The following TP73 variants were observed in gnomAD, a reference collection of about 807,000 sequenced individuals.
TP73 encodes tumor protein p73.
Under a neutral mutation model 62.5 loss-of-function variants are expected in TP73, and 25 were observed. The ratio of observed to expected loss-of-function variants is 0.40; its 90% CI spans 0.29 to 0.56. The LOEUF is 0.56. Among genes scored for constraint, TP73 ranks in the 20% least tolerant of loss-of-function variants. The pLI is 0.46. For synonymous variants in TP73, 423 were observed against 377.5 expected, an observed-to-expected ratio of 1.12 and a Z score of -1.40; for missense variants, 754 against 913.3, an observed-to-expected ratio of 0.83 and a Z score of 2.25.
At chr1:3,664,187 C>A (rs529261020) in intron 1 of TP73, among the ~76,000 whole-genome samples, 2 of 152,366 alleles carry the variant, frequency 1.3e-5, no homozygotes. Flanking sequence ...ACCTTCCTAC[C>A]AGCCCAGATG....
intron 9 of TP73, among the ~76,000 whole-genome samples, chr1:3,728,884 ACCTGAGGGCAGGAGGATCG>A (rs1487088812): frequency 6.6e-6 from 1 of 151,946 alleles, no homozygotes; most frequent in African/African-American, 2.4e-5. Context: ...CAGGAGGATC[ACCTGAGGGCAGGAGGATCG>A]CCTGAGCCCA....
At position 3,683,165 on chromosome 1, in the gene TP73, G is replaced by A. The variant is rs975388384; in HGVS notation, c.171G>A (p.Met57Ile). ...TGGACGTCTTCCACCTGGAGGGCAT[G>A]ACTACATCTGTCATGGTGAGTGGGG... ...SSMDVFHLEG[M>I]TTSVMAQFNL... The change falls in exon 3 of 14, where the codon ATG (methionine) becomes ATA (isoleucine). Residue 57 changes from methionine to isoleucine, a missense_variant. Physicochemically the swap from Met to Ile is conservative, Grantham distance 10. This residue lies in a region of TP73 where 235 missense variants were observed against 251.4 expected (regional missense o/e 0.93). Coordinates refer to ENST00000378295, the MANE Select transcript of TP73 (RefSeq NM_005427.4). The A allele has an allele frequency of 5.0e-6, 8 of 1,610,002 alleles. No homozygotes were observed. The highest frequency in any genetic ancestry group is 6.8e-6 in the Non-Finnish European group (8 of 1,177,760).
chr1:3,724,071 G>A (rs1641316003), intron 6 of TP73, among the ~76,000 whole-genome samples: 1 of 152,148 alleles, frequency 6.6e-6, no homozygotes, highest in Admixed American at 6.5e-5. Flanking sequence ...TAGGCTGGAG[G>A]GGAGGGGACA....
intron 6 of TP73, among the ~76,000 whole-genome samples, chr1:3,723,759 C>A (rs1469822394): frequency 6.6e-6 from 1 of 152,248 alleles, no homozygotes; most frequent in Non-Finnish European, 1.5e-5. Flanking sequence ...TCAGCCTTGC[C>A]CTCTGTTGGT....
intron 1 of TP73, among the ~76,000 whole-genome samples, chr1:3,664,823 G>T (rs1645075583): frequency 6.6e-6 from 1 of 152,166 alleles, no homozygotes; most frequent in African/African-American, 2.4e-5. Flanking sequence ...ATGCGGTCAG[G>T]CTACAAAGGG....
At chr1:3,664,562 G>A (rs1645069767) in intron 1 of TP73, among the ~76,000 whole-genome samples, 2 of 152,242 alleles carry the variant, frequency 1.3e-5, no homozygotes, top group Non-Finnish European at 2.9e-5. Flanking sequence ...TTCTCCACCA[G>A]TCCGAATACA....
At position 3,733,190 on chromosome 1, in the gene TP73, CG is replaced by C; in HGVS notation, c.*115del. On this transcript the variant is annotated 3_prime_UTR_variant, in exon 14 of 14. Coordinates refer to ENST00000378295, the MANE Select transcript of TP73 (RefSeq NM_005427.4). ...GGAGGCAGGACCTTCGGGCTGTGCC[CG>C]GGGAAAGGCAAGGTCCGGCCCATCC... 1.6e-6 allele frequency: 2 copies of C among 1,287,454 alleles called. No homozygotes were observed. Among genetic ancestry groups the C allele is most frequent in the South Asian group, 3.0e-5 (2 of 66,428 alleles). 79.8% of individuals were successfully genotyped at this position (1,287,454 alleles called of 1,614,324 possible).
intron 3 of TP73, chr1:3,690,616 C>T (rs1026523264): frequency 2.1e-5 from 27 of 1,303,288 alleles, no homozygotes; most frequent in East Asian, 3.3e-5. Flanking sequence ...AGGCCTGCCC[C>T]GGACTTGGAT....
chr1:3,729,662 T>C (rs760660639), intron 10 of TP73: 6 of 893,212 alleles, frequency 6.7e-6, no homozygotes, highest in African/African-American at 1.6e-5. Flanking sequence ...GCCCTTGCTA[T>C]GCCTCTGCCA....
At chr1:3,705,395 C>G (rs1371544670) in intron 3 of TP73, among the ~76,000 whole-genome samples, 2 of 152,246 alleles carry the variant, frequency 1.3e-5, no homozygotes, top group African/African-American at 4.8e-5. Context: ...AGGAAGGAGG[C>G]TGCAGTGGTG....
In TP73 at chr1:3,699,038, G is replaced by GAGGGTGCTGTGGGTGAGAGCAC. The variant is rs1290777068; in HGVS notation, c.187-8489_187-8468dup. On this transcript the variant is annotated intron_variant, in intron 3 of 13. Coordinates refer to ENST00000378295, the MANE Select transcript of TP73 (RefSeq NM_005427.4). The surrounding 1 kb of genome is among the most constrained non-coding windows in gnomAD (Gnocchi z 4.1). ...CTCGCCTCAGCCCCGGGTGAGAGCA[G>GAGGGTGCTGTGGGTGAGAGCAC]AGGGTGCTGTGGGTGAGAGCACAGG... is the stretch of plus-strand genomic sequence containing the variant. Among the ~76,000 whole-genome samples the GAGGGTGCTGTGGGTGAGAGCAC allele has an allele frequency of 0.013, 1,978 of 151,728 alleles. 55 individuals are homozygous for GAGGGTGCTGTGGGTGAGAGCAC. The highest frequency in any genetic ancestry group is 0.045 in the African/African-American group (1,843 of 41,006).
chr1:3,733,205 T>C lies in TP73; in HGVS notation c.*126T>C, dbSNP rs906184784. The stretch of plus-strand genomic sequence containing the variant: ...GGGCTGTGCCCGGGGAAAGGCAAGG[T>C]CCGGCCCATCCCCAGGCACCTCACA... On this transcript the variant is annotated 3_prime_UTR_variant, in exon 14 of 14. Coordinates refer to ENST00000378295, the MANE Select transcript of TP73 (RefSeq NM_005427.4). The C allele has an allele frequency of 2.6e-6, 3 of 1,162,940 alleles. No individual in the cohort carries two copies. The highest frequency in any genetic ancestry group is 3.5e-6 in the Non-Finnish European group (3 of 849,328). 72.0% of individuals were successfully genotyped at this position (1,162,940 alleles called of 1,614,324 possible).
At chr1:3,683,568 G>C (rs764509758) in intron 3 of TP73, among the ~76,000 whole-genome samples, 9 of 152,188 alleles carry the variant, frequency 5.9e-5, no homozygotes, top group Non-Finnish European at 1.0e-4. Context: ...CTGTGTCCAG[G>C]TGCTTCACAG....
chr1:3,655,446 G>A (rs145702812), intron 1 of TP73, among the ~76,000 whole-genome samples: 65 of 152,292 alleles, frequency 4.3e-4, no homozygotes, highest in African/African-American at 1.5e-3. Flanking sequence ...GCCATTTTGC[G>A]GCTTGCCTTT....
At chr1:3,689,633 G>C (rs1645757079) in intron 3 of TP73, among the ~76,000 whole-genome samples, 1 of 152,192 alleles carries the variant, frequency 6.6e-6, no homozygotes, top group Non-Finnish European at 1.5e-5. Flanking sequence ...CCGGCTCTCG[G>C]TGGGGACGAC....
At chr1:3,730,819 G>C in intron 11 of TP73, 108 bp from the exon 12 acceptor site, 1 of 1,393,740 alleles carries the variant, frequency 7.2e-7, no homozygotes, top group Non-Finnish European at 9.6e-7. Context: ...CACATCGCCA[G>C]GCCTTGGGAT....
At chr1:3,689,354 T>C (rs889682077) in intron 3 of TP73, among the ~76,000 whole-genome samples, 3 of 152,186 alleles carry the variant, frequency 2.0e-5, no homozygotes, top group Non-Finnish European at 4.4e-5. Context: ...CCCTTCCTGT[T>C]GGGGGCTGAG....
At chr1:3,713,667 C>T (rs750632284) in intron 4 of TP73, among the ~76,000 whole-genome samples, 1 of 152,172 alleles carries the variant, frequency 6.6e-6, no homozygotes, top group Non-Finnish European at 1.5e-5. Flanking sequence ...TAGAGAAGGC[C>T]CTGAGCGACC....
In TP73 at chr1:3,730,858, G is replaced by A. The variant is rs1410721211; in HGVS notation, c.1346-69G>A. ...TCCCTGGTGTCCAGAGGTGTCTGGAGCCTGGGTGGAGGCTGCACCTGGATG... is the reference window on the plus strand; with the variant it reads ...TCCCTGGTGTCCAGAGGTGTCTGGAACCTGGGTGGAGGCTGCACCTGGATG... On this transcript the variant is annotated intron_variant, in intron 11 of 13. Coordinates refer to ENST00000378295, the MANE Select transcript of TP73 (RefSeq NM_005427.4). 3.2e-5 allele frequency: 49 copies of A among 1,508,818 alleles called. No individual in the cohort carries two copies. In the Admixed American group the frequency reaches 7.9e-4, roughly 24 times the overall value. The allele number at this position is 1,508,818 out of a possible 1,614,324, so 93.5% of individuals were successfully genotyped here.
Sources: allele counts gnomAD v4.1 joint callset (sites outside exome capture counted in the v4.1 genomes callset), GRCh38; gene constraint gnomAD v4.1.1; regional missense constraint gnomAD v4.1.1; non-coding constraint Gnocchi (gnomAD v3.1); transcripts MANE v1.5; gene names NCBI Gene and HGNC (gene_info 2026-07-23, HGNC 2026-07-21).